The following KLHL1 variants were observed in gnomAD, a reference collection of about 807,000 sequenced individuals.
KLHL1 encodes kelch like family member 1.
A neutral mutation model predicts 77.7 loss-of-function variants in KLHL1; 47 were observed. The observed-to-expected ratio is 0.60, with a 90% CI of 0.48 to 0.77. The LOEUF (loss-of-function observed/expected upper bound fraction) is 0.77, where lower values mean the gene tolerates loss of function less well. Ranked by LOEUF, KLHL1 falls within the 30% of genes least tolerant of loss-of-function variation. The pLI is 0.00. For synonymous variants in KLHL1, 360 were observed against 325.2 expected (o/e 1.11, Z -1.15); for missense variants, 925 against 910.8 (o/e 1.02, Z -0.20).
At chr13:69,811,800 T>C (rs985764517) in intron 6 of KLHL1, among the ~76,000 whole-genome samples, 4 of 152,194 alleles carry the variant, frequency 2.6e-5, no homozygotes, top group Non-Finnish European at 5.9e-5. Flanking sequence ...TCTTTTCTTC[T>C]TTATTAGTCT....
intron 1 of KLHL1, among the ~76,000 whole-genome samples, chr13:70,048,351 G>C (rs1566531058): frequency 6.6e-6 from 1 of 152,094 alleles, no homozygotes; most frequent in Non-Finnish European, 1.5e-5. Context: ...TTTTGTGATG[G>C]TCTCTACACT....
intron 1 of KLHL1, among the ~76,000 whole-genome samples, chr13:70,016,731 C>T (rs1183949559): frequency 1.3e-5 from 2 of 152,104 alleles, no homozygotes; most frequent in Non-Finnish European, 2.9e-5. Context: ...CAGACAGGCT[C>T]CTGGACAAAA....
chr13:69,729,603 T>C (rs1358118151), intron 8 of KLHL1, among the ~76,000 whole-genome samples: 16 of 152,108 alleles, frequency 1.1e-4, no homozygotes. Context: ...GCTATGGGTC[T>C]GAAGTAAAAG....
chr13:69,897,227 C>T lies in KLHL1; in HGVS notation c.1015-14732G>A, dbSNP rs139407742. On this transcript the variant is annotated intron_variant, in intron 4 of 10. Transcript: ENST00000377844. ...AAGTGCCTCTGACTCCCTGGCCAAA[C>T]TTAATCTCTGAGTCAAATTAGAAGT... is the stretch of plus-strand genomic sequence containing the variant. 5.3e-3 allele frequency among the ~76,000 whole-genome samples: 806 copies of T among 152,264 alleles called. 10 individuals carry two copies. The highest frequency in any genetic ancestry group is 0.018 in the African/African-American group (745 of 41,556).
intron 1 of KLHL1, among the ~76,000 whole-genome samples, chr13:70,015,851 G>T (rs971143055): frequency 1.3e-5 from 2 of 152,086 alleles, no homozygotes; most frequent in African/African-American, 4.8e-5. Flanking sequence ...ATGTGATAGG[G>T]TTGAAATATA....
chr13:69,831,146 G>A (rs1294132754), intron 6 of KLHL1, among the ~76,000 whole-genome samples: 1 of 149,292 alleles, frequency 6.7e-6, no homozygotes, highest in Admixed American at 6.7e-5. Flanking sequence ...CAATAGATAA[G>A]TAAAACAAAA....
At chr13:69,899,275 C>A (rs147526477) in intron 4 of KLHL1, among the ~76,000 whole-genome samples, 25 of 152,160 alleles carry the variant, frequency 1.6e-4, no homozygotes, top group African/African-American at 5.5e-4. Context: ...TGCAAGCTTC[C>A]CTGAAGTGTG....
At chr13:70,057,979 A>G (rs1886790694) in intron 1 of KLHL1, among the ~76,000 whole-genome samples, 1 of 152,160 alleles carries the variant, frequency 6.6e-6, no homozygotes, top group Non-Finnish European at 1.5e-5. Context: ...AACAGAATAA[A>G]GGACAAAAAC....
intron 4 of KLHL1, among the ~76,000 whole-genome samples, chr13:69,939,054 G>C (rs954661960): frequency 2.0e-5 from 3 of 151,350 alleles, no homozygotes; most frequent in Non-Finnish European, 4.4e-5. Context: ...TAACAATGAA[G>C]ACATTAATAA....
At chr13:70,010,892 C>CA (rs925514287) in intron 1 of KLHL1, among the ~76,000 whole-genome samples, 18 of 122,718 alleles carry the variant, frequency 1.5e-4, no homozygotes, top group African/African-American at 3.1e-4. Context: ...AACTCCGTCT[C>CA]AAAAAAAAAT....
intron 1 of KLHL1, among the ~76,000 whole-genome samples, chr13:70,103,616 G>T (rs1887977102): frequency 6.6e-6 from 1 of 152,122 alleles, no homozygotes; most frequent in African/African-American, 2.4e-5. Flanking sequence ...GCTGTGAAGA[G>T]ATGTGGGACA....
chr13:69,870,382 G>A (rs911827565), intron 5 of KLHL1, among the ~76,000 whole-genome samples: 4 of 152,004 alleles, frequency 2.6e-5, no homozygotes, highest in East Asian at 3.9e-4. Flanking sequence ...TCTACCCCAC[G>A]ACCCAAACAC....
intron 4 of KLHL1, among the ~76,000 whole-genome samples, chr13:69,895,319 C>T (rs1322246494): frequency 1.3e-5 from 2 of 152,074 alleles, no homozygotes; most frequent in Non-Finnish European, 2.9e-5. Context: ...TGTTAGGATT[C>T]TTGCCTCCTC....
At chr13:69,827,485 C>A (rs1164702751) in intron 6 of KLHL1, among the ~76,000 whole-genome samples, 2 of 151,818 alleles carry the variant, frequency 1.3e-5, no homozygotes, top group African/African-American at 4.8e-5. Context: ...TAATCCCAGC[C>A]CTTTGGGAAG....
intron 3 of KLHL1, among the ~76,000 whole-genome samples, chr13:69,957,159 C>G (rs563538603): frequency 2.0e-5 from 3 of 151,644 alleles, no homozygotes; most frequent in Non-Finnish European, 4.4e-5. Flanking sequence ...AATGGAAGTA[C>G]AGAATAGGAG....
chr13:69,802,167 T>G (rs1877413205), intron 6 of KLHL1, among the ~76,000 whole-genome samples: 1 of 152,190 alleles, frequency 6.6e-6, no homozygotes, highest in Non-Finnish European at 1.5e-5. Context: ...GTTTCCAGCT[T>G]CATCCATGTC....
chr13:69,798,833 C>T (rs1877246445), intron 6 of KLHL1, among the ~76,000 whole-genome samples: 1 of 152,010 alleles, frequency 6.6e-6, no homozygotes, highest in Non-Finnish European at 1.5e-5. Flanking sequence ...TTTGTGAGGC[C>T]AAGGAAGGTG....
At chr13:70,089,857 TC>T (rs1378552004) in intron 1 of KLHL1, among the ~76,000 whole-genome samples, 1 of 152,096 alleles carries the variant, frequency 6.6e-6, no homozygotes, top group African/African-American at 2.4e-5. Context: ...AAGACAGCAC[TC>T]TAGGGTTGGT....
At chr13:69,887,941 TC>T (rs1881279663) in intron 4 of KLHL1, among the ~76,000 whole-genome samples, 2 of 152,158 alleles carry the variant, frequency 1.3e-5, no homozygotes, top group African/African-American at 4.8e-5. Context: ...TTATAGTAAC[TC>T]CCTATCCCTC....
Sources: gnomAD v4.1 joint callset for allele counts (sites outside exome capture counted in the v4.1 genomes callset) on GRCh38, gnomAD v4.1.1 for gene constraint, MANE v1.5 for transcripts, NCBI Gene and HGNC (gene_info 2026-07-23, HGNC 2026-07-21) for gene names.